HSPG2: variants seen among roughly 807,000 people sequenced by gnomAD.
HSPG2 encodes basement membrane-specific heparan sulfate proteoglycan core protein.
A neutral mutation model predicts 526.6 loss-of-function variants in HSPG2; 278 were observed. The observed-to-expected ratio is 0.53, with a 90% CI of 0.48 to 0.58. The LOEUF (loss-of-function observed/expected upper bound fraction) is 0.58, where lower values mean the gene tolerates loss of function less well. Among genes scored for constraint, HSPG2 ranks in the 20% least tolerant of loss-of-function variants. HSPG2 has a pLI of 0.00. For missense variants in HSPG2, 5,354 were observed against 6,099.5 expected, an observed-to-expected ratio of 0.88 and a Z score of 4.07; for synonymous variants, 2,465 against 2,555.4, an observed-to-expected ratio of 0.96 and a Z score of 1.07.
In HSPG2 at chr1:21,839,494, G is replaced by A. The variant is rs2291827; in HGVS notation, c.9766C>T (p.His3256Tyr). The change falls in exon 73 of 97, where the codon CAC becomes TAC. Residue 3256 changes from histidine to tyrosine, a missense_variant. Transcript: ENST00000374695. The surrounding 1 kb of genome is among the most constrained non-coding windows in gnomAD (Gnocchi z 4.5). Reference protein sequence around the residue: ...SKLRSPLPWQHRLEGDTLIIP... With the variant: ...SKLRSPLPWQYRLEGDTLIIP... ...ATGAGTGTGTCACCTTCCAGCCGGT[G>A]CTGCCAGGGCAGTGGGGAACGCAGC... The A allele has an allele frequency of 0.17, 279,021 of 1,613,874 alleles. 25,900 individuals are homozygous for A. The highest frequency in any genetic ancestry group is 0.27 in the South Asian group (24,322 of 91,074).
At position 21,823,214 on chromosome 1, in the gene HSPG2, G is replaced by A. The variant is rs1043520623; in HGVS notation, c.*102C>T. 1.1e-5 allele frequency: 13 copies of A among 1,148,556 alleles called. No homozygotes were observed. Among genetic ancestry groups the A allele is most frequent in the Admixed American group, 3.1e-5 (1 of 32,536 alleles). 71.1% of individuals were successfully genotyped at this position (1,148,556 alleles called of 1,614,324 possible). A position where few individuals can be genotyped will look rare whatever the true frequency, so the allele number is the denominator to read the frequency against. On this transcript the variant is annotated 3_prime_UTR_variant, in exon 97 of 97. Coordinates refer to ENST00000374695, the MANE Select transcript of HSPG2 (RefSeq NM_005529.7). ...GGCGGTAGCAGCAAAGCGTGGCATCGCCTCGGTTTCTTACAAAAATTCATA... is the reference window on the plus strand; with the variant it reads ...GGCGGTAGCAGCAAAGCGTGGCATCACCTCGGTTTCTTACAAAAATTCATA...
At chr1:21,842,523 G>A (rs1386320511) in intron 67 of HSPG2, 143 bp from the exon 68 acceptor site, 15 of 1,074,290 alleles carry the variant, frequency 1.4e-5, no homozygotes, top group Non-Finnish European at 1.8e-5. Flanking sequence ...TTCATTCACA[G>A]AATCCTAGAG....
chr1:21,833,038 G>A (rs2098011450), intron 80 of HSPG2: 2 of 600,706 alleles, frequency 3.3e-6, no homozygotes, highest in Admixed American at 5.2e-5. Context: ...GGTGGCAGAG[G>A]AGCCACGAGG....
At chr1:21,924,722 C>G (rs1483736424) in intron 1 of HSPG2, among the ~76,000 whole-genome samples, 2 of 152,042 alleles carry the variant, frequency 1.3e-5, no homozygotes, top group Non-Finnish European at 1.5e-5. Context: ...TCCTCTTATT[C>G]TTTCCCAACC....
chr1:21,922,872 A>G (rs1644082316), intron 1 of HSPG2, among the ~76,000 whole-genome samples: 1 of 152,116 alleles, frequency 6.6e-6, no homozygotes, highest in Non-Finnish European at 1.5e-5. Context: ...CCTACCAGGG[A>G]GGTGGGAAGC....
intron 1 of HSPG2, among the ~76,000 whole-genome samples, chr1:21,897,410 G>A (rs1642827622): frequency 1.3e-5 from 2 of 152,292 alleles, no homozygotes; most frequent in Admixed American, 1.3e-4. Context: ...CAGAGCAAAG[G>A]CCAAGGAGGA....
Position 21,843,439 on chromosome 1 carries a change from C to G in HSPG2, c.8617-1G>C. The G allele has an allele frequency of 6.2e-7, 1 of 1,611,248 alleles. No individual in the cohort carries two copies. Among genetic ancestry groups the G allele is most frequent in the Non-Finnish European group, 8.5e-7 (1 of 1,178,302 alleles). On this transcript the variant is annotated splice_acceptor_variant, in intron 65 of 96. Transcript: ENST00000374695. LOFTEE classifies it high-confidence loss of function. ...TCAGCCTCAGCAGTGGGCCGTGGAC[C>G]TGGCCAAGGTGGGGTGAGAGCGGGG...
At chr1:21,889,917 G>A (rs1381746363) in intron 6 of HSPG2, 64 bp downstream of exon 6, 2 of 1,562,534 alleles carry the variant, frequency 1.3e-6, no homozygotes, top group South Asian at 2.2e-5. Flanking sequence ...GCCTATGGCA[G>A]AGACACTGAA....
Position 21,822,470 on chromosome 1 carries a change from T to G in HSPG2, c.*846A>C. 1 of 527,666 alleles carries G rather than the reference T, an allele frequency of 1.9e-6. No individual in the cohort carries two copies. Among genetic ancestry groups the G allele is most frequent in the Non-Finnish European group, 3.4e-6 (1 of 291,846 alleles). The allele number at this position is 527,666 out of a possible 1,614,324, so 32.7% of individuals were successfully genotyped here. A position where few individuals can be genotyped will look rare whatever the true frequency, so the allele number is the denominator to read the frequency against. Reference sequence around the variant, plus strand: ...CTTCCCCCACCTAAGGCACTAGCTCTTCCTGAGCACCAGCGGCATCCGTCC... The same window carrying G: ...CTTCCCCCACCTAAGGCACTAGCTCGTCCTGAGCACCAGCGGCATCCGTCC... On this transcript the variant is annotated 3_prime_UTR_variant, in exon 97 of 97. Coordinates refer to ENST00000374695, the MANE Select transcript of HSPG2 (RefSeq NM_005529.7).
At chr1:21,924,432 G>A (rs1644129708) in intron 1 of HSPG2, among the ~76,000 whole-genome samples, 1 of 152,176 alleles carries the variant, frequency 6.6e-6, no homozygotes, top group African/African-American at 2.4e-5. Flanking sequence ...TGGTGATATG[G>A]TGGGCTCCTT....
chr1:21,923,919 T>A (rs565349778), intron 1 of HSPG2, among the ~76,000 whole-genome samples: 1 of 152,178 alleles, frequency 6.6e-6, no homozygotes, highest in Non-Finnish European at 1.5e-5. Flanking sequence ...TGGCTTGGGA[T>A]CACGTAAGAG....
Position 21,864,785 on chromosome 1 carries a change from T to G in HSPG2, c.4626+58A>C. Reference sequence around the variant, plus strand: ...TCAAGGCTGCGGCGACGCCGGCTGATTTGCTTGCTGATGCCTCTGTGCCTG... The same window carrying G: ...TCAAGGCTGCGGCGACGCCGGCTGAGTTGCTTGCTGATGCCTCTGTGCCTG... On this transcript the variant is annotated intron_variant, in intron 36 of 96. Transcript: ENST00000374695. This position sits in a 1 kb window ranked among gnomAD's most constrained non-coding sequence, Gnocchi z 4.8. 6.9e-7 allele frequency: 1 copy of G among 1,442,046 alleles called. No homozygotes were observed. Among genetic ancestry groups the G allele is most frequent in the South Asian group, 1.2e-5 (1 of 83,534 alleles). 89.3% of individuals were successfully genotyped at this position (1,442,046 alleles called of 1,614,324 possible). A position where few individuals can be genotyped will look rare whatever the true frequency, so the allele number is the denominator to read the frequency against.
In HSPG2 at chr1:21,829,469, C is replaced by A; in HGVS notation, c.11906G>T (p.Ser3969Ile). ...PLAPDGVLLF[S>I]GGKSGPVEDF... Reference sequence around the variant, plus strand: ...CTCCACAGGCCCGCTCTTCCCCCCGCTGAACAGCAGGACCCCGTCAGGGGC... The same window carrying A: ...CTCCACAGGCCCGCTCTTCCCCCCGATGAACAGCAGGACCCCGTCAGGGGC... Residue 3969 changes from serine to isoleucine, a missense_variant, in exon 87 of 97, where the codon AGC (serine) becomes ATC (isoleucine). Coordinates refer to ENST00000374695, the MANE Select transcript of HSPG2 (RefSeq NM_005529.7). 6.2e-7 allele frequency: 1 copy of A among 1,613,406 alleles called. No homozygotes were observed. The highest frequency in any genetic ancestry group is 8.5e-7 in the Non-Finnish European group (1 of 1,179,870).
chr1:21,874,873 G>A lies in HSPG2; in HGVS notation c.3414+18C>T, dbSNP rs145207428. The A allele has an allele frequency of 6.0e-5, 96 of 1,594,526 alleles. No individual in the cohort carries two copies. The African/African-American group carries it at 9.1e-4, about 15-fold the overall frequency. ...CATGGAGGGGGCTGGCTGGGCTGGC[G>A]TGGGGCCCAGGACTCACCTGGCAGG... is the stretch of plus-strand genomic sequence containing the variant. On this transcript the variant is annotated intron_variant, in intron 26 of 96. Transcript: ENST00000374695.
At chr1:21,837,144 CG>C in intron 74 of HSPG2, 138 bp from the exon 75 acceptor site, 2 of 784,436 alleles carry the variant, frequency 2.5e-6, no homozygotes, top group Non-Finnish European at 4.3e-6. Context: ...GAAAAAAGAC[CG>C]TTCAGTGGCA....
chr1:21,875,720 G>A lies in HSPG2; in HGVS notation c.3211C>T (p.Pro1071Ser). ...ATCAGCAGGTGCTCCCGTGTGGCTGGCTGCCCATCGGGCCGCTGCCATGCT... is the reference window on the plus strand; with the variant it reads ...ATCAGCAGGTGCTCCCGTGTGGCTGACTGCCCATCGGGCCGCTGCCATGCT... ...EQAWQRPDGQPATREHLLMAL... is the reference protein window; with the variant it reads ...EQAWQRPDGQSATREHLLMAL... The change falls in exon 25 of 97, where the codon CCA becomes TCA. Residue 1071 changes from proline (P) to serine (S), a missense_variant. Coordinates refer to ENST00000374695, the MANE Select transcript of HSPG2 (RefSeq NM_005529.7). 1 of 1,604,864 alleles carries A rather than the reference G, an allele frequency of 6.2e-7. No individual in the cohort carries two copies.
Position 21,865,740 on chromosome 1 carries a change from A to T in HSPG2, c.4291T>A (p.Ser1431Thr). The T allele has an allele frequency of 6.2e-7, 1 of 1,613,796 alleles. No individual in the cohort carries two copies. Among genetic ancestry groups the T allele is most frequent in the Non-Finnish European group, 8.5e-7 (1 of 1,179,940 alleles). The part of the protein sequence containing the change: ...YTAGPQGSPL[S>T]DPDVQITGNN... ...ACCGTGATCTGCACATCGGGGTCAG[A>T]GAGTGGGCTGCCCTGTGGGCCTGCT... The change falls in exon 34 of 97, where the codon TCT becomes ACT. Residue 1431 changes from serine to threonine, a missense_variant. By Grantham distance (58) the Ser-to-Thr change is moderately conservative (BLOSUM62 1). Transcript: ENST00000374695. This position sits in a 1 kb window ranked among gnomAD's most constrained non-coding sequence, Gnocchi z 5.4.
chr1:21,902,269 C>T (rs1643143092), intron 1 of HSPG2, among the ~76,000 whole-genome samples: 1 of 152,218 alleles, frequency 6.6e-6, no homozygotes, highest in African/African-American at 2.4e-5. Context: ...GCCCGTGCCA[C>T]TCGGGAGGCC....
Position 21,937,235 on chromosome 1 carries a change from T to TCTCTCGCTCGCTCGCTCCGCGCCGCC in HSPG2, c.-44_-19dup, listed in dbSNP as rs1644514526. ...CACCCCATGGCCCGGCCCGCGCCGC[T>TCTCTCGCTCGCTCGCTCCGCGCCGCC]CTCTCGCTCGCTCGCTCCGCGCCGC... On this transcript the variant is annotated 5_prime_UTR_variant, in exon 1 of 97. Transcript: ENST00000374695. 7.5e-5 allele frequency: 67 copies of TCTCTCGCTCGCTCGCTCCGCGCCGCC among 893,560 alleles called. No homozygotes were observed. The highest frequency in any genetic ancestry group is 8.4e-5 in the Non-Finnish European group (64 of 761,932). The allele number at this position is 893,560 out of a possible 1,614,324, so 55.4% of individuals were successfully genotyped here.
Sources: gnomAD v4.1 joint callset for allele counts (sites outside exome capture counted in the v4.1 genomes callset) on GRCh38, gnomAD v4.1.1 for gene constraint, Gnocchi (gnomAD v3.1) non-coding constraint, MANE v1.5 for transcripts, NCBI Gene and HGNC (gene_info 2026-07-23, HGNC 2026-07-21) for gene names.